BCAP31: variants seen among roughly 807,000 people sequenced by gnomAD.
BCAP31 encodes the protein B cell receptor associated protein 31.
For synonymous variants in BCAP31, 75 were observed against 80.9 expected (o/e 0.93, Z 0.39); for missense variants, 124 against 193.0 (o/e 0.64, Z 2.12).
At chrX:153,704,940 TC>T in intron 4 of BCAP31, 1 of 111,741 alleles carries the variant, frequency 8.9e-6, no homozygotes, top group Non-Finnish European at 1.9e-5. Flanking sequence ...CAGATGCTAG[TC>T]CCCAAACAGA....
chrX:153,703,043 C>G lies in BCAP31; in HGVS notation c.493G>C (p.Gly165Arg), dbSNP rs782530683. 4 of 1,208,601 alleles carry G rather than the reference C, an allele frequency of 3.3e-6. No individual in the cohort carries two copies. The highest frequency in any genetic ancestry group is 3.5e-5 in the African/African-American group (2 of 57,334). The stretch of plus-strand genomic sequence containing the variant: ...GCATTCCCGACATCCAACTTGCCTC[C>G]GTCAACAGCAGCTCCCTGGGAAAAG... ...DQLKKGAAVD[G>R]GKLDVGNAEV... The change falls in exon 6 of 8, where the codon GGA becomes CGA. Residue 165 changes from glycine to arginine, a missense_variant. Coordinates refer to ENST00000345046, the MANE Select transcript of BCAP31 (RefSeq NM_001256447.2).
chrX:153,702,714 T>A (rs1325642701), intron 6 of BCAP31, among the ~76,000 whole-genome samples: 1 of 112,608 alleles, frequency 8.9e-6, no homozygotes, highest in African/African-American at 3.2e-5. Context: ...GCAGCCTGGT[T>A]CCTCCTGAGC....
chrX:153,700,815 G>A lies in BCAP31; in HGVS notation c.*122C>T, dbSNP rs782371005. On this transcript the variant is annotated 3_prime_UTR_variant, in exon 8 of 8. Transcript: ENST00000345046. ...CCGAGATGACGAGCTATGAGCTGTGGAAGGGAATGGGGGAAGCAGAAGGGC... is the reference window on the plus strand; with the variant it reads ...CCGAGATGACGAGCTATGAGCTGTGAAAGGGAATGGGGGAAGCAGAAGGGC... 17 of 681,279 alleles carry A rather than the reference G, an allele frequency of 2.5e-5. No individual in the cohort carries two copies. The South Asian group carries it at 4.5e-4, about 18-fold the overall frequency. The allele number at this position is 681,279 out of a possible 1,213,427, so 56.1% of individuals were successfully genotyped here. A position where few individuals can be genotyped will look rare whatever the true frequency, so the allele number is the denominator to read the frequency against.
At position 153,724,167 on chromosome X, in the gene BCAP31, C is replaced by G. The variant is rs990226511; in HGVS notation, c.-45+167G>C. 4.1e-5 allele frequency: 10 copies of G among 244,366 alleles called. No homozygotes were observed. The East Asian group carries it at 1.4e-3, about 33-fold the overall frequency. The allele number at this position is 244,366 out of a possible 1,213,427, so 20.1% of individuals were successfully genotyped here. On this transcript the variant is annotated intron_variant, in intron 1 of 7. Transcript: ENST00000345046. ...CGCCCCCGAGACCAGCTTCTAGAGGCGCCGCCCGGTTTCCCCTCGCCCCTG... is the reference window on the plus strand; with the variant it reads ...CGCCCCCGAGACCAGCTTCTAGAGGGGCCGCCCGGTTTCCCCTCGCCCCTG...
chrX:153,705,366 G>A (rs1314652847), intron 4 of BCAP31: 1 of 113,300 alleles, frequency 8.8e-6, no homozygotes, highest in Admixed American at 9.2e-5. Context: ...CGGGCCAGGA[G>A]ACACCCCTGA....
intron 6 of BCAP31, 119 bp from the exon 7 acceptor site, chrX:153,702,226 AG>A: frequency 1.8e-6 from 1 of 568,695 alleles, no homozygotes; most frequent in South Asian, 3.2e-5. Context: ...GAGGTTATAC[AG>A]GAGGCTACTT....
chrX:153,702,181 C>T (rs2091522947), intron 6 of BCAP31, 74 bp from the exon 7 acceptor site: 3 of 903,033 alleles, frequency 3.3e-6, no homozygotes, highest in African/African-American at 2.0e-5. Flanking sequence ...CCGACTGCTA[C>T]AGACACCAGA....
chrX:153,703,950 TG>T lies in BCAP31; in HGVS notation c.477+8del, dbSNP rs1557047908. The T allele has an allele frequency of 5.0e-6, 6 of 1,210,099 alleles. No individual in the cohort carries two copies. In the South Asian group the frequency reaches 7.0e-5, roughly 14 times the overall value. Reference sequence around the variant, plus strand: ...GACGCCCCATGGTGGGTCGGGAAGCTGGGCTCACCTTCTTGAGCTGGTCATT... The same window carrying T: ...GACGCCCCATGGTGGGTCGGGAAGCTGGCTCACCTTCTTGAGCTGGTCATT... On this transcript the variant is annotated splice_region_variant and intron_variant, in intron 5 of 7. Coordinates refer to ENST00000345046, the MANE Select transcript of BCAP31 (RefSeq NM_001256447.2).
intron 6 of BCAP31, 71 bp downstream of exon 6, chrX:153,702,864 A>C: frequency 8.5e-7 from 1 of 1,175,413 alleles, no homozygotes; most frequent in Non-Finnish European, 1.1e-6. Context: ...TTTGGCACAA[A>C]ATGGGCAGCA....
In BCAP31 at chrX:153,713,583, G is replaced by A. The variant is rs574936244; in HGVS notation, c.341+1959C>T. 3.6e-5 allele frequency among the ~76,000 whole-genome samples: 4 copies of A among 112,089 alleles called. No individual in the cohort carries two copies. The South Asian group carries it at 1.5e-3, about 42-fold the overall frequency. On this transcript the variant is annotated intron_variant, in intron 4 of 7. Transcript: ENST00000345046. The stretch of plus-strand genomic sequence containing the variant: ...CCTTTGGAAATTGGGATGTTTGCCA[G>A]GCTGCAGTCTGCCAGTATCTCTCCC...
At chrX:153,712,466 G>C (rs2091599072) in intron 4 of BCAP31, among the ~76,000 whole-genome samples, 2 of 111,323 alleles carry the variant, frequency 1.8e-5, no homozygotes, top group Admixed American at 1.9e-4. Context: ...AGTTGTCCCA[G>C]AAAAACATTC....
chrX:153,702,458 G>A (rs1603222021), intron 6 of BCAP31: 2 of 212,979 alleles, frequency 9.4e-6, no homozygotes, highest in Non-Finnish European at 1.7e-5. Context: ...TGACAACCAC[G>A]CCTTGCACAC....
At position 153,707,955 on chromosome X, in the gene BCAP31, G is replaced by A. The variant is rs1557048550; in HGVS notation, c.342-3861C>T. On this transcript the variant is annotated intron_variant, in intron 4 of 7. Transcript: ENST00000345046. Reference sequence around the variant, plus strand: ...CTTCTGCCTCTGCTGGATCTCCCAAGTAGTCTTACCCGAATCACTGTTCTT... The same window carrying A: ...CTTCTGCCTCTGCTGGATCTCCCAAATAGTCTTACCCGAATCACTGTTCTT... Among the ~76,000 whole-genome samples, 5 of 113,126 alleles carry A rather than the reference G, an allele frequency of 4.4e-5. No homozygotes were observed. The Admixed American group carries it at 4.6e-4, about 11-fold the overall frequency.
intron 2 of BCAP31, 88 bp downstream of exon 2, chrX:153,723,065 C>A: frequency 9.1e-7 from 1 of 1,093,793 alleles, no homozygotes; most frequent in East Asian, 3.1e-5. Flanking sequence ...GTCCCAATTC[C>A]AGGGTCCACC....
At chrX:153,720,341 G>C (rs1199280634) in intron 3 of BCAP31, among the ~76,000 whole-genome samples, 1 of 105,396 alleles carries the variant, frequency 9.5e-6, no homozygotes, top group Non-Finnish European at 2.0e-5. Context: ...CTTGGTATAA[G>C]CCCACGCCCA....
In BCAP31 at chrX:153,704,084, G is replaced by A. The variant is rs1420709522; in HGVS notation, c.352C>T (p.Arg118Cys). 17 of 1,207,064 alleles carry A rather than the reference G, an allele frequency of 1.4e-5. No homozygotes were observed. The highest frequency in any genetic ancestry group is 2.5e-4 in the Middle Eastern group (1 of 4,041). Residue 118 changes from arginine to cysteine, a missense_variant, in exon 5 of 8, where the codon CGC becomes TGC. Physicochemically the swap from Arg to Cys is radical, Grantham distance 180. Coordinates refer to ENST00000345046, the MANE Select transcript of BCAP31 (RefSeq NM_001256447.2). The stretch of plus-strand genomic sequence containing the variant: ...TGCTGCGAAATGAGAGTCACCAGGC[G>A]TCTAAGCAGGCTGCAATTATTTACA... ...FSLLLSFLLR[R>C]LVTLISQQAT...
chrX:153,714,345 A>G (rs1299164328), intron 4 of BCAP31, among the ~76,000 whole-genome samples: 1 of 110,870 alleles, frequency 9.0e-6, no homozygotes, highest in Admixed American at 9.6e-5. Flanking sequence ...TTTCAGCCTC[A>G]GACCACAAGA....
Position 153,715,685 on chromosome X carries a change from G to A in BCAP31, c.198C>T (p.Ala66=), listed in dbSNP as rs146081495. 10 of 1,211,295 alleles carry A rather than the reference G, an allele frequency of 8.3e-6. 1 individual carries two copies. Among genetic ancestry groups the A allele is most frequent in the Middle Eastern group, 2.3e-4 (1 of 4,355 alleles). ...CATCATACTTCCGAATTTCGCGCAC[G>A]GCATCTGTGGTGGAGCAGAGAGGAG... ...IVILVLLVID[A]VREIRKYDDV... The change falls in exon 4 of 8, where the codon GCC becomes GCT. Residue 66 remains alanine (A), a synonymous_variant. Coordinates refer to ENST00000345046, the MANE Select transcript of BCAP31 (RefSeq NM_001256447.2).
intron 4 of BCAP31, among the ~76,000 whole-genome samples, chrX:153,712,798 A>G (rs1557049392): frequency 8.9e-6 from 1 of 112,431 alleles, no homozygotes; most frequent in East Asian, 2.8e-4. Context: ...TTGCTAGTCT[A>G]AGAGTTAAAT....
Sources: allele counts gnomAD v4.1 joint callset (sites outside exome capture counted in the v4.1 genomes callset), GRCh38; gene constraint gnomAD v4.1.1; transcripts MANE v1.5; gene names NCBI Gene and HGNC (gene_info 2026-07-23, HGNC 2026-07-21).